VWA8: variants seen among roughly 807,000 people sequenced by gnomAD.
VWA8 encodes the protein von Willebrand factor A domain containing 8.
VWA8 carries 221 observed loss-of-function variants against 241.5 expected under a neutral mutation model. That is an observed-to-expected ratio of 0.91 (90% CI 0.82 to 1.02). VWA8 has a LOEUF of 1.02. VWA8 is among the 50% of genes least tolerant of loss of function. The pLI is 0.00. For synonymous variants in VWA8, 852 were observed against 827.1 expected (o/e 1.03, Z -0.52); for missense variants, 2,322 against 2,328.7 (o/e 1.00, Z 0.06).
intron 2 of VWA8, among the ~76,000 whole-genome samples, chr13:41,927,653 AG>A (rs1208112982): frequency 1.3e-5 from 2 of 152,246 alleles, no homozygotes; most frequent in Non-Finnish European, 2.9e-5. Context: ...ATAGTGTTAT[AG>A]AAAATCATCA....
Position 41,581,012 on chromosome 13 carries a change from T to A in VWA8, c.5272-5174A>T, listed in dbSNP as rs1164946112. ...TTTATTTTATTTTATTTTATTTTAT[T>A]TTTTTTTGAGACGGAGTCTCGCTGT... On this transcript the variant is annotated intron_variant, in intron 42 of 44. Transcript: ENST00000379310. 1.3e-4 allele frequency among the ~76,000 whole-genome samples: 10 copies of A among 75,992 alleles called. 3 individuals carry two copies. In the Admixed American group the frequency reaches 1.4e-3, roughly 11 times the overall value. 49.9% of individuals were successfully genotyped at this position (75,992 alleles called of 152,430 possible).
intron 12 of VWA8, among the ~76,000 whole-genome samples, chr13:41,841,784 CAAAAAAAAAAAAAAAAAAAAA>C (rs1166227706): frequency 2.1e-4 from 7 of 33,396 alleles, no homozygotes; most frequent in African/African-American, 1.3e-3. Context: ...GACTCTGTCT[CAAAAAAAAAAAAAAAAAAAAA>C]AAAAAAAAAA....
At chr13:41,950,123 C>A in intron 1 of VWA8, 110 bp from the exon 2 acceptor site, 1 of 596,592 alleles carries the variant, frequency 1.7e-6, no homozygotes, top group South Asian at 2.7e-5. Flanking sequence ...CAGAAATGTA[C>A]TACGCAGCTG....
At chr13:41,573,123 A>AAAAAG (rs2044321010) in intron 43 of VWA8, among the ~76,000 whole-genome samples, 1 of 150,342 alleles carries the variant, frequency 6.7e-6, no homozygotes. Context: ...AAAAAAAAAA[A>AAAAAG]AAAAGAAACA....
chr13:41,931,296 A>G (rs992930641), intron 2 of VWA8, among the ~76,000 whole-genome samples: 1 of 147,046 alleles, frequency 6.8e-6, no homozygotes, highest in African/African-American at 2.4e-5. Context: ...AAAAAAAAAA[A>G]AAAAAAAACC....
chr13:41,853,950 G>A (rs940955914), intron 12 of VWA8, among the ~76,000 whole-genome samples: 1 of 152,076 alleles, frequency 6.6e-6, no homozygotes, highest in South Asian at 2.1e-4. Flanking sequence ...ACAAATTGCT[G>A]TTTCATCAAT....
At chr13:41,711,677 A>T (rs2045318211) in intron 26 of VWA8, among the ~76,000 whole-genome samples, 1 of 152,164 alleles carries the variant, frequency 6.6e-6, no homozygotes, top group Non-Finnish European at 1.5e-5. Flanking sequence ...GATCGAGACC[A>T]TCCTAGCTAA....
At chr13:41,822,454 T>C (rs1871000531) in intron 14 of VWA8, among the ~76,000 whole-genome samples, 1 of 152,208 alleles carries the variant, frequency 6.6e-6, no homozygotes, top group African/African-American at 2.4e-5. Context: ...CATGAACACA[T>C]TCCTTATGCA....
At chr13:41,925,777 A>G (rs1221798089) in intron 2 of VWA8, 2 of 234,678 alleles carry the variant, frequency 8.5e-6, no homozygotes, top group Non-Finnish European at 1.8e-5. Context: ...CATACCACTG[A>G]CAGTGGTGTG....
At chr13:41,621,807 T>A (rs2139667781) in intron 37 of VWA8, among the ~76,000 whole-genome samples, 1 of 152,164 alleles carries the variant, frequency 6.6e-6, no homozygotes, top group South Asian at 2.1e-4. Context: ...ATAATGGCCA[T>A]GAGGGAGGCA....
chr13:41,585,069 T>TCAATA (rs1214903885), intron 42 of VWA8, among the ~76,000 whole-genome samples: 1 of 149,808 alleles, frequency 6.7e-6, no homozygotes, highest in African/African-American at 2.5e-5. Context: ...ACAGTTTGGT[T>TCAATA]TGTAACTGTC....
At chr13:41,569,157 G>T (rs1171717851) in intron 44 of VWA8, among the ~76,000 whole-genome samples, 1 of 151,768 alleles carries the variant, frequency 6.6e-6, no homozygotes, top group African/African-American at 2.4e-5. Flanking sequence ...GGCATGCCTG[G>T]TAAGCCAGCT....
chr13:41,589,604 G>A (rs73181180), intron 41 of VWA8, among the ~76,000 whole-genome samples: 21,321 of 152,062 alleles, frequency 0.14, 1,701 homozygotes, highest in South Asian at 0.29. Context: ...ACAAAGCACT[G>A]GATAATTTGT....
At chr13:41,811,614 G>A (rs767853633) in intron 16 of VWA8, among the ~76,000 whole-genome samples, 31 of 152,098 alleles carry the variant, frequency 2.0e-4, no homozygotes, top group Non-Finnish European at 4.1e-4. Flanking sequence ...GGCAATGGGG[G>A]AAGGATGTTA....
intron 42 of VWA8, among the ~76,000 whole-genome samples, chr13:41,576,360 C>T (rs901783265): frequency 3.9e-5 from 6 of 152,202 alleles, no homozygotes; most frequent in African/African-American, 1.4e-4. Flanking sequence ...GGGCTACATT[C>T]TCCTACAAAT....
intron 21 of VWA8, among the ~76,000 whole-genome samples, chr13:41,753,531 T>C (rs1443542858): frequency 6.6e-6 from 1 of 152,206 alleles, no homozygotes; most frequent in Non-Finnish European, 1.5e-5. Context: ...TTTAAATGTA[T>C]ACTTTCAAAA....
intron 2 of VWA8, among the ~76,000 whole-genome samples, chr13:41,924,396 G>A (rs1876725239): frequency 6.9e-6 from 1 of 144,932 alleles, no homozygotes; most frequent in Admixed American, 7.0e-5. Context: ...AGAGAGGAGG[G>A]GAAGGGAGGG....
At chr13:41,895,834 T>C (rs1290494502) in intron 4 of VWA8, among the ~76,000 whole-genome samples, 1 of 150,300 alleles carries the variant, frequency 6.7e-6, no homozygotes, top group African/African-American at 2.4e-5. Flanking sequence ...AAATTTTCTT[T>C]TTTTTTTTTT....
intron 4 of VWA8, among the ~76,000 whole-genome samples, chr13:41,895,881 CT>C (rs1875083889): frequency 8.3e-6 from 1 of 119,778 alleles, no homozygotes; most frequent in Non-Finnish European, 1.8e-5. Context: ...TACCAAAGCT[CT>C]TTCTTTCTCC....
Sources: allele counts gnomAD v4.1 joint callset (sites outside exome capture counted in the v4.1 genomes callset), GRCh38; gene constraint gnomAD v4.1.1; transcripts MANE v1.5; gene names NCBI Gene and HGNC (gene_info 2026-07-23, HGNC 2026-07-21).